PHF19: variants seen among roughly 807,000 people sequenced by gnomAD.
PHF19 encodes PHD finger protein 19.
In PHF19, 21 loss-of-function variants were observed where a neutral mutation model predicts 79.8. The ratio of observed to expected loss-of-function variants is 0.26; its 90% CI spans 0.19 to 0.38. PHF19 has a LOEUF of 0.38. PHF19 is among the 10% of genes least tolerant of loss of function. PHF19 has a pLI of 1.00. For missense variants in PHF19, 445 were observed against 744.2 expected (o/e 0.60, Z 4.68); for synonymous variants, 273 against 296.3 (o/e 0.92, Z 0.81).
At chr9:120,889,186 A>T (rs1232444395) in intron 1 of PHF19, among the ~76,000 whole-genome samples, 2 of 152,122 alleles carry the variant, frequency 1.3e-5, no homozygotes, top group African/African-American at 4.8e-5. Flanking sequence ...CCAGCACTTT[A>T]GGAGGCTGAG....
chr9:120,889,212 G>C (rs1229921784), intron 1 of PHF19, among the ~76,000 whole-genome samples: 2 of 152,146 alleles, frequency 1.3e-5, no homozygotes, highest in African/African-American at 4.8e-5. Flanking sequence ...CGGATCACGA[G>C]GTCAGGAGTT....
chr9:120,882,127 C>G (rs985082823), upstream of PHF19, among the ~76,000 whole-genome samples: 4 of 152,200 alleles, frequency 2.6e-5, no homozygotes, highest in African/African-American at 9.6e-5. Flanking sequence ...GTCCATTTTG[C>G]AGGGGATGAA....
chr9:120,899,645 CTTAG>C (rs1489946306), upstream of PHF19, among the ~76,000 whole-genome samples: 1 of 152,182 alleles, frequency 6.6e-6, no homozygotes, highest in East Asian at 1.9e-4. Context: ...GAAGCTGAGG[CTTAG>C]TTAGCCTCTG....
chr9:120,896,163 G>A (rs2046399411), upstream of PHF19, among the ~76,000 whole-genome samples: 1 of 152,104 alleles, frequency 6.6e-6, no homozygotes, highest in South Asian at 2.1e-4. Flanking sequence ...TTAAGGGGAG[G>A]AATTATGTAA....
Position 120,861,994 on chromosome 9 carries a change from T to G in PHF19, c.1142A>C (p.His381Pro). The G allele has an allele frequency of 6.2e-7, 1 of 1,613,392 alleles. No homozygotes were observed. Among genetic ancestry groups the G allele is most frequent in the South Asian group, 1.1e-5 (1 of 91,068 alleles). ...TCGCCTTTTCTGCTGCTGGAATTCGTGAGGCAACAAACTGTGGAGACAGAA... is the reference window on the plus strand; with the variant it reads ...TCGCCTTTTCTGCTGCTGGAATTCGGGAGGCAACAAACTGTGGAGACAGAA... The part of the protein sequence containing the change: ...RGKSKPGLLP[H>P]EFQQQKRRVY... The change falls in exon 12 of 15, where the codon CAC (histidine) becomes CCC (proline). Residue 381 changes from histidine to proline, a missense_variant. Physicochemically the swap from His to Pro is moderately conservative, Grantham distance 77. Around this residue, in one of 5 missense-constraint regions of PHF19, gnomAD observed 83 missense variants for 85.5 expected, o/e 0.97. Coordinates refer to ENST00000373896, the MANE Select transcript of PHF19 (RefSeq NM_015651.3).
chr9:120,895,524 C>T (rs896743814), upstream of PHF19, among the ~76,000 whole-genome samples: 1 of 151,694 alleles, frequency 6.6e-6, no homozygotes, highest in Non-Finnish European at 1.5e-5. Flanking sequence ...CAAAAAACCC[C>T]AAAACAAAGC....
chr9:120,860,041 G>GGGC lies in PHF19; in HGVS notation c.1400+48_1400+49insGCC, dbSNP rs1163307897. Reference sequence around the variant, plus strand: ...AAGTGGGAGGTGGAGGGGCTGAGAGGAATGATGGTCCTTGCAAAATGTGAA... The same window carrying GGGC: ...AAGTGGGAGGTGGAGGGGCTGAGAGGGGCAATGATGGTCCTTGCAAAATGTGAA... On this transcript the variant is annotated intron_variant, in intron 14 of 14. Transcript: ENST00000373896. The surrounding 1 kb of genome is among the most constrained non-coding windows in gnomAD (Gnocchi z 4.1). The GGGC allele has an allele frequency of 2.4e-5, 22 of 930,986 alleles. No homozygotes were observed. The highest frequency in any genetic ancestry group is 3.5e-5 in the Non-Finnish European group (20 of 579,352). 57.7% of individuals were successfully genotyped at this position (930,986 alleles called of 1,614,324 possible). A position where few individuals can be genotyped will look rare whatever the true frequency, so the allele number is the denominator to read the frequency against.
chr9:120,862,275 T>C lies in PHF19; in HGVS notation c.1131-270A>G, dbSNP rs905202864. On this transcript the variant is annotated intron_variant, in intron 11 of 14. Coordinates refer to ENST00000373896, the MANE Select transcript of PHF19 (RefSeq NM_015651.3). This position sits in a 1 kb window ranked among gnomAD's most constrained non-coding sequence, Gnocchi z 4.6. ...GATGCCCTGCCCCCCAGTGCCAGGA[T>C]GAGGGGGCTCAGCTGAGCCAGGAGA... Among the ~76,000 whole-genome samples the C allele has an allele frequency of 1.3e-5, 2 of 152,198 alleles. No homozygotes were observed. Among genetic ancestry groups the C allele is most frequent in the Non-Finnish European group, 2.9e-5 (2 of 68,022 alleles).
chr9:120,879,790 A>C (rs2046152372), upstream of PHF19, among the ~76,000 whole-genome samples: 1 of 152,154 alleles, frequency 6.6e-6, no homozygotes, highest in Non-Finnish European at 1.5e-5. Flanking sequence ...AGGTGGAGGG[A>C]GTTTAATGGG....
At chr9:120,901,138 G>T in the PHF19 span, among the ~76,000 whole-genome samples, 1 of 152,174 alleles carries the variant, frequency 6.6e-6, no homozygotes, top group Non-Finnish European at 1.5e-5. Flanking sequence ...CATCGAAGCT[G>T]AAGATTTCAC....
Position 120,874,562 on chromosome 9 carries a change from G to A in PHF19, c.180C>T (p.Ile60=), listed in dbSNP as rs1169047483. 6.2e-7 allele frequency: 1 copy of A among 1,606,106 alleles called. No individual in the cohort carries two copies. The highest frequency in any genetic ancestry group is 8.5e-7 in the Non-Finnish European group (1 of 1,172,768). Residue 60 remains isoleucine (I), a synonymous_variant, in exon 2 of 15, where the codon ATC becomes ATT. Transcript: ENST00000373896. The surrounding 1 kb of genome is among the most constrained non-coding windows in gnomAD (Gnocchi z 4.5). ...WTDGLYYLGK[I]KRVSSSKQSC... ...CCAGAGAGGATGGGTTTACCCTCTTGATCTTCCCGAGGTAGTACAGGCCAT... is the reference window on the plus strand; with the variant it reads ...CCAGAGAGGATGGGTTTACCCTCTTAATCTTCCCGAGGTAGTACAGGCCAT...
Position 120,877,177 on chromosome 9 carries a change from G to T in PHF19, c.-102C>A, listed in dbSNP as rs1439290509. ...AGGCGGCTGCGCTCGGCCCGCGGCTGCCCGGCCGAGTGTCCGCCCGTGGGG... is the reference window on the plus strand; with the variant it reads ...AGGCGGCTGCGCTCGGCCCGCGGCTTCCCGGCCGAGTGTCCGCCCGTGGGG... On this transcript the variant is annotated 5_prime_UTR_variant, in exon 1 of 15. Transcript: ENST00000373896. 1.0e-6 allele frequency: 1 copy of T among 982,052 alleles called. No individual in the cohort carries two copies. The highest frequency in any genetic ancestry group is 6.3e-5 in the Admixed American group (1 of 15,990). 60.8% of individuals were successfully genotyped at this position (982,052 alleles called of 1,614,324 possible).
chr9:120,890,305 G>A (rs1588139226), intron 1 of PHF19, among the ~76,000 whole-genome samples: 1 of 107,444 alleles, frequency 9.3e-6, no homozygotes, highest in Admixed American at 1.0e-4. Context: ...TCCTGTTAAC[G>A]CTTTTGACGT....
At chr9:120,886,829 A>G (rs2046269735) in intron 1 of PHF19, among the ~76,000 whole-genome samples, 1 of 152,228 alleles carries the variant, frequency 6.6e-6, no homozygotes, top group South Asian at 2.1e-4. Flanking sequence ...GATGTGGTTA[A>G]CATTTATCAT....
rs911067560 is a variant in PHF19 at position 120,860,986 on chromosome 9, C to G, written c.1304+103G>C. The stretch of plus-strand genomic sequence containing the variant: ...CTCTACTGCAAAAAGCCCCTTCAGA[C>G]AGACCTGCACAGCAGGGATCCTTTT... On this transcript the variant is annotated intron_variant, in intron 13 of 14. Coordinates refer to ENST00000373896, the MANE Select transcript of PHF19 (RefSeq NM_015651.3). The surrounding 1 kb of genome is among the most constrained non-coding windows in gnomAD (Gnocchi z 4.1). 5.2e-6 allele frequency: 4 copies of G among 762,654 alleles called. No individual in the cohort carries two copies. Among genetic ancestry groups the G allele is most frequent in the Non-Finnish European group, 9.6e-6 (4 of 418,544 alleles). 47.2% of individuals were successfully genotyped at this position (762,654 alleles called of 1,614,324 possible).
upstream of PHF19, among the ~76,000 whole-genome samples, chr9:120,898,293 T>C (rs527734643): frequency 1.3e-5 from 2 of 152,306 alleles, 1 homozygote; most frequent in East Asian, 3.9e-4. Flanking sequence ...ATTTTTGTGT[T>C]TTTAGTAGAG....
At chr9:120,876,112 C>G (rs2046041178) in intron 1 of PHF19, 1 of 152,758 alleles carries the variant, frequency 6.5e-6, no homozygotes, top group African/African-American at 2.4e-5. Flanking sequence ...GTGTGTGAAG[C>G]TAAGTATGTG....
In PHF19 at chr9:120,891,170, C is replaced by A. The variant is rs916960489; in HGVS notation, c.42+3618G>T. Among the ~76,000 whole-genome samples the A allele has an allele frequency of 6.6e-6, 1 of 152,132 alleles. No individual in the cohort carries two copies. Among genetic ancestry groups the A allele is most frequent in the Admixed American group, 6.6e-5 (1 of 15,260 alleles). On this transcript the variant is annotated intron_variant, in intron 1 of 14. Coordinates refer to the PHF19 transcript ENST00000616568. This position sits in a 1 kb window ranked among gnomAD's most constrained non-coding sequence, Gnocchi z 4.3. ...TGGGTTAGGTATCCCTGCTCATGCC[C>A]CAGAGCGCCTGGGTTTCTGCTCATC...
At chr9:120,902,322 G>A in the PHF19 span, 4 of 152,192 alleles carry the variant, frequency 2.6e-5, no homozygotes, top group South Asian at 2.1e-4. Context: ...CCAGTGAAAC[G>A]GTGGCTTTGC....
Sources: gnomAD v4.1 joint callset for allele counts (sites outside exome capture counted in the v4.1 genomes callset) on GRCh38, gnomAD v4.1.1 for gene constraint, gnomAD v4.1.1 regional missense constraint, Gnocchi (gnomAD v3.1) non-coding constraint, MANE v1.5 for transcripts, NCBI Gene and HGNC (gene_info 2026-07-23, HGNC 2026-07-21) for gene names.